PHKB: variants seen among roughly 807,000 people sequenced by gnomAD.
PHKB encodes the protein phosphorylase kinase regulatory subunit beta.
In PHKB, 122 loss-of-function variants were observed where a neutral mutation model predicts 152.1. That is an observed-to-expected ratio of 0.80 (90% CI 0.69 to 0.93). The LOEUF (loss-of-function observed/expected upper bound fraction) is 0.93. Among genes scored for constraint, PHKB ranks in the 40% least tolerant of loss-of-function variants. The pLI, the probability that PHKB is intolerant of heterozygous loss-of-function variation, is 0.00. For synonymous variants in PHKB, 436 were observed against 464.9 expected (o/e 0.94, Z 0.80); for missense variants, 1,304 against 1,328.4 (o/e 0.98, Z 0.29).
chr16:47,690,415 A>T (rs2142103521), intron 27 of PHKB, among the ~76,000 whole-genome samples: 1 of 152,334 alleles, frequency 6.6e-6, no homozygotes, highest in Non-Finnish European at 1.5e-5. Flanking sequence ...GACTATATGA[A>T]AATTAAAAAC....
At chr16:47,544,437 A>G (rs1465801726) in intron 6 of PHKB, among the ~76,000 whole-genome samples, 1 of 152,332 alleles carries the variant, frequency 6.6e-6, no homozygotes, top group Admixed American at 6.5e-5. Context: ...AGTTGATCAC[A>G]CTGTGGTCTC....
chr16:47,565,397 CTTGT>C (rs1286474101), intron 7 of PHKB: 1 of 1,140,668 alleles, frequency 8.8e-7, no homozygotes, highest in Admixed American at 1.7e-5. Flanking sequence ...TCCCCCACCA[CTTGT>C]AGGGATTGCT....
intron 7 of PHKB, among the ~76,000 whole-genome samples, chr16:47,570,826 A>G (rs1971645632): frequency 2.0e-5 from 3 of 152,016 alleles, no homozygotes. Context: ...GTTAGTATGT[A>G]TTGGGGAGGG....
chr16:47,583,364 G>A (rs1000470684), intron 8 of PHKB, among the ~76,000 whole-genome samples: 2 of 152,142 alleles, frequency 1.3e-5, no homozygotes, highest in African/African-American at 4.8e-5. Flanking sequence ...TAATGTCATT[G>A]TATATACTTA....
intron 14 of PHKB, among the ~76,000 whole-genome samples, chr16:47,625,192 C>T (rs1047413520): frequency 2.6e-5 from 4 of 152,184 alleles, no homozygotes; most frequent in African/African-American, 7.2e-5. Flanking sequence ...TACTCTGCCC[C>T]GTGCAAGTCA....
chr16:47,464,968 C>T (rs1313406657), intron 1 of PHKB, among the ~76,000 whole-genome samples: 2 of 152,208 alleles, frequency 1.3e-5, no homozygotes, highest in East Asian at 1.9e-4. Context: ...TCACCATAGC[C>T]TTTCAGAAGT....
intron 14 of PHKB, among the ~76,000 whole-genome samples, chr16:47,627,440 A>T (rs1972730508): frequency 6.6e-6 from 1 of 152,184 alleles, no homozygotes; most frequent in Non-Finnish European, 1.5e-5. Flanking sequence ...TTACAAATCA[A>T]TTCATTGTGA....
chr16:47,666,018 G>C lies in PHKB; in HGVS notation c.2427+1043G>C. ...GGCCCCATCCATTACTAATGTTTTA[G>C]TGCAGGGCAAACAGGTAAGTATTTG... On this transcript the variant is annotated intron_variant, in intron 25 of 30. Coordinates refer to ENST00000323584, the MANE Select transcript of PHKB (RefSeq NM_000293.3). The C allele has an allele frequency of 6.2e-7, 1 of 1,611,534 alleles. No homozygotes were observed. The highest frequency in any genetic ancestry group is 8.5e-7 in the Non-Finnish European group (1 of 1,177,710).
chr16:47,547,183 G>C (rs966068043), intron 6 of PHKB, among the ~76,000 whole-genome samples: 3 of 152,194 alleles, frequency 2.0e-5, no homozygotes, highest in Admixed American at 1.3e-4. Context: ...CCCGTCTTCT[G>C]TGTTGATCAT....
chr16:47,488,905 T>G (rs927935198), intron 1 of PHKB, among the ~76,000 whole-genome samples: 5 of 152,200 alleles, frequency 3.3e-5, no homozygotes, highest in Non-Finnish European at 5.9e-5. Flanking sequence ...TGTTCTTTTC[T>G]TAGGATTGCT....
intron 10 of PHKB, among the ~76,000 whole-genome samples, chr16:47,592,518 C>T (rs553948986): frequency 6.6e-6 from 1 of 152,368 alleles, no homozygotes; most frequent in East Asian, 1.9e-4. Context: ...TACCTTAGCT[C>T]ATCTCCCCAG....
At chr16:47,598,568 A>G in intron 13 of PHKB, 1 of 767,386 alleles carries the variant, frequency 1.3e-6, no homozygotes. Flanking sequence ...TGATTATAAA[A>G]TGTCAGTAAT....
chr16:47,548,617 A>C (rs1431608587), intron 7 of PHKB, among the ~76,000 whole-genome samples: 1 of 152,106 alleles, frequency 6.6e-6, no homozygotes, highest in East Asian at 1.9e-4. Flanking sequence ...AAAAAAAAAA[A>C]AAAAAGAAAC....
chr16:47,607,545 T>C (rs1972348698), intron 13 of PHKB, among the ~76,000 whole-genome samples: 1 of 152,254 alleles, frequency 6.6e-6, no homozygotes. Context: ...CAATATTCCA[T>C]TGTATATATA....
At chr16:47,517,150 A>G (rs769357824) in intron 6 of PHKB, among the ~76,000 whole-genome samples, 1 of 152,108 alleles carries the variant, frequency 6.6e-6, no homozygotes, top group Non-Finnish European at 1.5e-5. Flanking sequence ...AATATCTCCA[A>G]AGCACTGGGA....
chr16:47,666,115 C>A, intron 25 of PHKB: 2 of 939,374 alleles, frequency 2.1e-6, no homozygotes, highest in Non-Finnish European at 3.5e-6. Flanking sequence ...GTCTGGCAAA[C>A]CTCAATGTCA....
chr16:47,678,536 T>C (rs917387132), intron 26 of PHKB, among the ~76,000 whole-genome samples: 60 of 152,238 alleles, frequency 3.9e-4, no homozygotes, highest in South Asian at 1.9e-3. Flanking sequence ...ATGAGCATTT[T>C]TTCATGTGTT....
chr16:47,692,405 C>T (rs1974077199), intron 27 of PHKB, among the ~76,000 whole-genome samples: 1 of 152,042 alleles, frequency 6.6e-6, no homozygotes, highest in Non-Finnish European at 1.5e-5. Flanking sequence ...TACTTGAGGC[C>T]AGGAGCTCAA....
At chr16:47,472,914 G>A (rs1597011642) in intron 1 of PHKB, among the ~76,000 whole-genome samples, 1 of 152,224 alleles carries the variant, frequency 6.6e-6, no homozygotes, top group East Asian at 1.9e-4. Context: ...CAGCCTGGGT[G>A]ACAGAGTGAG....
Sources: gnomAD v4.1 joint callset for allele counts (sites outside exome capture counted in the v4.1 genomes callset) on GRCh38, gnomAD v4.1.1 for gene constraint, MANE v1.5 for transcripts, NCBI Gene and HGNC (gene_info 2026-07-23, HGNC 2026-07-21) for gene names.